Variants in DLG2 observed in about 807,000 individuals in gnomAD.
DLG2 encodes discs large MAGUK scaffold protein 2.
In DLG2, 45 loss-of-function variants were observed where a neutral mutation model predicts 132.5. The observed-to-expected ratio is 0.34, with a 90% CI of 0.27 to 0.44. DLG2 has a LOEUF of 0.44. Among genes scored for constraint, DLG2 ranks in the 20% least tolerant of loss-of-function variants. DLG2 has a pLI of 1.00. For synonymous variants in DLG2, 424 were observed against 419.6 expected, an observed-to-expected ratio of 1.01 and a Z score of -0.13; for missense variants, 1,045 against 1,196.9, an observed-to-expected ratio of 0.87 and a Z score of 1.87.
At chr11:84,348,127 T>C (rs1282904301) in intron 7 of DLG2, among the ~76,000 whole-genome samples, 2 of 152,220 alleles carry the variant, frequency 1.3e-5, no homozygotes, top group Non-Finnish European at 2.9e-5. Flanking sequence ...ACTCTTATTA[T>C]TACTTATCAT....
chr11:83,793,088 CTT>C (rs1241906274), intron 17 of DLG2, among the ~76,000 whole-genome samples: 1 of 151,840 alleles, frequency 6.6e-6, no homozygotes, highest in East Asian at 1.9e-4. Flanking sequence ...CATAAAATCC[CTT>C]TTTATTTATT....
At chr11:85,395,239 A>G (rs2087201416) in intron 3 of DLG2, among the ~76,000 whole-genome samples, 1 of 152,242 alleles carries the variant, frequency 6.6e-6, no homozygotes, top group Non-Finnish European at 1.5e-5. Flanking sequence ...AGAGCCTCAC[A>G]GAAGAGTAAC....
At position 83,540,703 on chromosome 11, in the gene DLG2, C is replaced by T. The variant is rs142005726; in HGVS notation, c.2117+979G>A. Among the ~76,000 whole-genome samples the T allele has an allele frequency of 1.1e-4, 17 of 152,316 alleles. No individual in the cohort carries two copies. In the East Asian group the frequency reaches 3.1e-3, roughly 28 times the overall value. On this transcript the variant is annotated intron_variant, in intron 20 of 27. Coordinates refer to ENST00000376104, the MANE Select transcript of DLG2 (RefSeq NM_001142699.3). ...CTCAATCACTTGATGTGTAGTAGCA[C>T]TTGAATGCCCAGCTTCACTGGGAAT...
intron 3 of DLG2, among the ~76,000 whole-genome samples, chr11:85,300,348 T>C (rs770709225): frequency 2.6e-5 from 4 of 152,130 alleles, no homozygotes; most frequent in Non-Finnish European, 5.9e-5. Context: ...CCTGAAGCAC[T>C]AAAACAATCT....
intron 5 of DLG2, among the ~76,000 whole-genome samples, chr11:85,129,250 A>G (rs563283889): frequency 3.3e-5 from 5 of 152,342 alleles, no homozygotes; most frequent in South Asian, 4.1e-4. Context: ...CATGTGACAG[A>G]AACTCTGTAT....
intron 5 of DLG2, among the ~76,000 whole-genome samples, chr11:85,120,869 T>C (rs1312247463): frequency 2.0e-5 from 3 of 152,034 alleles, no homozygotes; most frequent in Non-Finnish European, 4.4e-5. Context: ...AGTGGTATAA[T>C]AGATTATTCT....
chr11:84,593,929 C>A (rs1016356896), intron 6 of DLG2, among the ~76,000 whole-genome samples: 3 of 152,130 alleles, frequency 2.0e-5, no homozygotes, highest in Non-Finnish European at 4.4e-5. Flanking sequence ...TTTAACATTA[C>A]CTAATTGAAT....
intron 4 of DLG2, among the ~76,000 whole-genome samples, chr11:85,185,195 C>T (rs1157629176): frequency 2.6e-5 from 4 of 151,846 alleles, no homozygotes; most frequent in Non-Finnish European, 5.9e-5. Context: ...GGTGCAAAAG[C>T]CAATTTCAAA....
At chr11:84,664,890 A>G (rs941319105) in intron 6 of DLG2, among the ~76,000 whole-genome samples, 3 of 152,008 alleles carry the variant, frequency 2.0e-5, no homozygotes, top group Non-Finnish European at 2.9e-5. Context: ...GAAATTATAC[A>G]TTCCTGCCTC....
intron 6 of DLG2, among the ~76,000 whole-genome samples, chr11:84,813,345 C>G (rs760121352): frequency 1.1e-4 from 16 of 151,980 alleles, no homozygotes; most frequent in Non-Finnish European, 1.3e-4. Context: ...TCATAGCAAC[C>G]CCTTGAGAAA....
In DLG2 at chr11:83,469,231, A is replaced by G. The variant is rs1264125147; in HGVS notation, c.2589T>C (p.Ser863=). ...CTGCTACAAATCTCACAGACTGCAC[A>G]CTGGTTCCATATAAATTGTCATTGT... ...GQYNDNLYGT[S]VQSVRFVAER... is the part of the protein sequence containing the mutation. The change falls in exon 25 of 28, where the codon AGT becomes AGC. Residue 863 remains serine (S), a synonymous_variant. Transcript: ENST00000376104. 1 of 1,613,046 alleles carries G rather than the reference A, an allele frequency of 6.2e-7. No homozygotes were observed. The highest frequency in any genetic ancestry group is 1.1e-5 in the South Asian group (1 of 90,910).
Position 85,403,479 on chromosome 11 carries a change from T to G in DLG2, c.41-118114A>C, listed in dbSNP as rs2088395068. On this transcript the variant is annotated intron_variant, in intron 3 of 27. Coordinates refer to ENST00000376104, the MANE Select transcript of DLG2 (RefSeq NM_001142699.3). ...CATTGTGCACATATACCGTAGAACT[T>G]AAAGTATAATAAAAAAAATTAAATT... Among the ~76,000 whole-genome samples the G allele has an allele frequency of 2.6e-5, 4 of 151,916 alleles. No homozygotes were observed. In the South Asian group the frequency reaches 8.3e-4, roughly 32 times the overall value.
intron 19 of DLG2, among the ~76,000 whole-genome samples, chr11:83,550,365 C>A (rs1030888067): frequency 2.6e-5 from 4 of 152,160 alleles, no homozygotes; most frequent in African/African-American, 7.2e-5. Context: ...GTGGTATGAG[C>A]AGATTTCACA....
intron 3 of DLG2, among the ~76,000 whole-genome samples, chr11:85,399,913 A>C (rs948018621): frequency 6.6e-6 from 1 of 152,156 alleles, no homozygotes; most frequent in African/African-American, 2.4e-5. Flanking sequence ...ATGGCAACAA[A>C]AGCCAAAATT....
At chr11:83,801,155 C>T (rs905334321) in intron 17 of DLG2, among the ~76,000 whole-genome samples, 2 of 152,156 alleles carry the variant, frequency 1.3e-5, no homozygotes, top group East Asian at 3.9e-4. Flanking sequence ...TCCCACCTCC[C>T]CATGCAATCC....
At chr11:84,572,280 G>A (rs2099487195) in intron 6 of DLG2, among the ~76,000 whole-genome samples, 1 of 152,082 alleles carries the variant, frequency 6.6e-6, no homozygotes, top group Admixed American at 6.6e-5. Flanking sequence ...TCTATTAAGA[G>A]GTGGTGTCTA....
At chr11:85,622,906 A>C (rs1364646716) in intron 2 of DLG2, among the ~76,000 whole-genome samples, 1 of 152,022 alleles carries the variant, frequency 6.6e-6, no homozygotes, top group East Asian at 1.9e-4. Context: ...AAAAATACAA[A>C]AATTAGCCAG....
intron 6 of DLG2, among the ~76,000 whole-genome samples, chr11:85,042,048 A>G (rs901876567): frequency 6.6e-6 from 1 of 151,950 alleles, no homozygotes; most frequent in African/African-American, 2.4e-5. Flanking sequence ...CATCCATGTA[A>G]CCAAAATCAC....
intron 7 of DLG2, among the ~76,000 whole-genome samples, chr11:84,334,555 CCTGT>C (rs1248888189): frequency 6.6e-6 from 1 of 152,174 alleles, no homozygotes; most frequent in African/African-American, 2.4e-5. Flanking sequence ...AAAGTTGAAA[CCTGT>C]CTGTTCATAA....
Sources: gnomAD v4.1 joint callset for allele counts (sites outside exome capture counted in the v4.1 genomes callset) on GRCh38, gnomAD v4.1.1 for gene constraint, MANE v1.5 for transcripts, NCBI Gene and HGNC (gene_info 2026-07-23, HGNC 2026-07-21) for gene names.